Variants in LAMC1 observed in about 807,000 individuals in gnomAD.
LAMC1 encodes the protein laminin subunit gamma 1.
LAMC1 carries 38 observed loss-of-function variants against 173.6 expected under a neutral mutation model. That is an observed-to-expected ratio of 0.22 (90% CI 0.17 to 0.29). The LOEUF is 0.29. Ranked by LOEUF, LAMC1 falls within the 10% of genes least tolerant of loss-of-function variation. The pLI, the probability that LAMC1 is intolerant of heterozygous loss-of-function variation, is 1.00. For synonymous variants in LAMC1, 746 were observed against 749.1 expected (o/e 1.00, Z 0.07); for missense variants, 1,824 against 2,051.8 (o/e 0.89, Z 2.14).
At chr1:183,125,186 A>T (rs918875243) in intron 14 of LAMC1, 75 of 600,292 alleles carry the variant, frequency 1.2e-4, no homozygotes, top group Non-Finnish European at 1.8e-4. Context: ...GTTTTTTCTC[A>T]CGCTAAGCCT....
chr1:183,124,790 A>G lies in LAMC1; in HGVS notation c.2561A>G (p.Tyr854Cys), dbSNP rs113585925. 2.4e-5 allele frequency: 39 copies of G among 1,614,096 alleles called. No homozygotes were observed. Among genetic ancestry groups the G allele is most frequent in the East Asian group, 1.6e-4 (7 of 44,898 alleles). Reference sequence around the variant, plus strand: ...ACGGGAGAATGCCTGAAGTGCATCTATAACACTGCTGGCTTCTATTGTGAC... The same window carrying G: ...ACGGGAGAATGCCTGAAGTGCATCTGTAACACTGCTGGCTTCTATTGTGAC... Reference protein sequence around the residue: ...RLTGECLKCIYNTAGFYCDRC... With the variant: ...RLTGECLKCICNTAGFYCDRC... Residue 854 changes from tyrosine (Y) to cysteine (C), a missense_variant, in exon 14 of 28, where the codon TAT becomes TGT. Coordinates refer to ENST00000258341, the MANE Select transcript of LAMC1 (RefSeq NM_002293.4).
At position 183,145,588 on chromosome 1, in the gene LAMC1, C is replaced by T. The variant is rs918547519; in HGVS notation, c.*2798C>T. On this transcript the variant is annotated 3_prime_UTR_variant, in exon 28 of 28. Coordinates refer to ENST00000258341, the MANE Select transcript of LAMC1 (RefSeq NM_002293.4). ...TAATAAAATCTGAATATTTGTAACC[C>T]TTTATATTTGGTGTGGCCTGAGTGT... 9 of 152,288 alleles carry T rather than the reference C, an allele frequency of 5.9e-5. No individual in the cohort carries two copies. The highest frequency in any genetic ancestry group is 5.3e-4 in the Admixed American group (8 of 15,234). The allele number at this position is 152,288 out of a possible 1,614,324, so 9.4% of individuals were successfully genotyped here.
chr1:183,108,214 C>A, intron 2 of LAMC1, 62 bp from the exon 3 acceptor site: 1 of 1,505,488 alleles, frequency 6.6e-7, no homozygotes, highest in Non-Finnish European at 9.2e-7. Flanking sequence ...CATTTTGTCA[C>A]ATTTATATCA....
At chr1:183,088,208 A>C (rs1655481253) in intron 1 of LAMC1, among the ~76,000 whole-genome samples, 1 of 152,260 alleles carries the variant, frequency 6.6e-6, no homozygotes, top group African/African-American at 2.4e-5. Context: ...GAAAGGCATC[A>C]TCATAAGCTC....
Position 183,024,067 on chromosome 1 carries a change from G to C in LAMC1, c.351G>C (p.Trp117Cys). The change falls in exon 1 of 28, where the codon TGG becomes TGC. Residue 117 changes from tryptophan to cysteine, a missense_variant. Physicochemically the swap from Trp to Cys is radical, Grantham distance 215. Coordinates refer to ENST00000258341, the MANE Select transcript of LAMC1 (RefSeq NM_002293.4). ...ACAACAACCAGGCCGACACCACCTG[G>C]TGGCAAAGCCAGACCATGCTGGCCG... ...TDYNNQADTTWWQSQTMLAGV... is the reference protein window; with the variant it reads ...TDYNNQADTTCWQSQTMLAGV... 1 of 1,611,882 alleles carries C rather than the reference G, an allele frequency of 6.2e-7. No homozygotes were observed. The highest frequency in any genetic ancestry group is 8.5e-7 in the Non-Finnish European group (1 of 1,179,334).
At chr1:183,091,647 A>G (rs564713291) in intron 1 of LAMC1, among the ~76,000 whole-genome samples, 2 of 152,344 alleles carry the variant, frequency 1.3e-5, no homozygotes, top group South Asian at 4.1e-4. Flanking sequence ...AACAGAATGT[A>G]ACACCCTCCC....
Position 183,145,056 on chromosome 1 carries a change from A to G in LAMC1, c.*2266A>G, listed in dbSNP as rs770504658. On this transcript the variant is annotated 3_prime_UTR_variant, in exon 28 of 28. Transcript: ENST00000258341. ...TCATTAAGTGGCTACATCCTAACATATGCATTTGGTCAAGGTTGCAGAAGA... is the reference window on the plus strand; with the variant it reads ...TCATTAAGTGGCTACATCCTAACATGTGCATTTGGTCAAGGTTGCAGAAGA... The G allele has an allele frequency of 1.3e-5, 2 of 152,116 alleles. No individual in the cohort carries two copies. Among genetic ancestry groups the G allele is most frequent in the Non-Finnish European group, 2.9e-5 (2 of 68,032 alleles). The allele number at this position is 152,116 out of a possible 1,614,324, so 9.4% of individuals were successfully genotyped here.
Position 183,132,412 on chromosome 1 carries a change from A to T in LAMC1, c.3579A>T (p.Glu1193Asp). 1.2e-6 allele frequency: 2 copies of T among 1,613,804 alleles called. No homozygotes were observed. The highest frequency in any genetic ancestry group is 1.7e-6 in the Non-Finnish European group (2 of 1,179,768). Residue 1193 changes from glutamate to aspartate, a missense_variant, in exon 21 of 28, where the codon GAA (glutamate) becomes GAT (aspartate). Coordinates refer to ENST00000258341, the MANE Select transcript of LAMC1 (RefSeq NM_002293.4). ...TTTATCTGTATAGTCATAAACAGGA[A>T]GCTGATGACATTGTTCGAGTGGCAA... ...ARKLAERHKQ[E>D]ADDIVRVAKT...
At chr1:183,136,296 C>T (rs1229621189) in intron 24 of LAMC1, 90 bp from the exon 25 acceptor site, 1 of 1,148,388 alleles carries the variant, frequency 8.7e-7, no homozygotes, top group Non-Finnish European at 1.3e-6. Flanking sequence ...TTCCATTGTT[C>T]ATAAAACAAA....
At chr1:183,127,079 A>G (rs936756505) in intron 16 of LAMC1, 147 bp from the exon 17 acceptor site, 13 of 658,428 alleles carry the variant, frequency 2.0e-5, no homozygotes, top group Admixed American at 1.5e-4. Flanking sequence ...AGACTTAGCC[A>G]TTTAAGATCT....
chr1:183,046,168 T>C (rs867460192), intron 1 of LAMC1, among the ~76,000 whole-genome samples: 1 of 152,114 alleles, frequency 6.6e-6, no homozygotes, highest in Non-Finnish European at 1.5e-5. Context: ...AAGTCTTTCC[T>C]TATATTTTCT....
chr1:183,122,582 G>A (rs140673339), intron 13 of LAMC1, among the ~76,000 whole-genome samples: 1 of 152,190 alleles, frequency 6.6e-6, no homozygotes, highest in Non-Finnish European at 1.5e-5. Flanking sequence ...CCTCTCCTGA[G>A]CTACCTACTT....
chr1:183,076,646 A>G (rs959857062), intron 1 of LAMC1, among the ~76,000 whole-genome samples: 2 of 152,218 alleles, frequency 1.3e-5, no homozygotes, highest in African/African-American at 2.4e-5. Flanking sequence ...AGGAAGAGAC[A>G]GTGTACCCAG....
At chr1:183,112,816 A>G (rs1419223287) in intron 4 of LAMC1, among the ~76,000 whole-genome samples, 1 of 152,200 alleles carries the variant, frequency 6.6e-6, no homozygotes, top group Non-Finnish European at 1.5e-5. Flanking sequence ...TTTGGTGGCA[A>G]TAACTCAAGT....
chr1:183,067,173 T>G (rs551091881), intron 1 of LAMC1, among the ~76,000 whole-genome samples: 1 of 152,294 alleles, frequency 6.6e-6, no homozygotes, highest in Admixed American at 6.5e-5. Context: ...TTTAAAGTAG[T>G]CATATTCTTA....
At chr1:183,114,417 C>G in intron 4 of LAMC1, 114 bp from the exon 5 acceptor site, 2 of 1,043,924 alleles carry the variant, frequency 1.9e-6, no homozygotes, top group South Asian at 2.6e-5. Context: ...CATTCTTAGT[C>G]TACCACCATC....
At chr1:183,067,749 C>T (rs10911218) in intron 1 of LAMC1, among the ~76,000 whole-genome samples, 51,421 of 151,938 alleles carry the variant, frequency 0.34, 9,762 homozygotes, top group East Asian at 0.49. Flanking sequence ...CTTGGCCTCC[C>T]AAAGTACTGG....
chr1:183,113,582 G>T (rs987754097), intron 4 of LAMC1, among the ~76,000 whole-genome samples: 39 of 152,134 alleles, frequency 2.6e-4, no homozygotes, highest in Admixed American at 2.0e-4. Context: ...GTTGTGCCCT[G>T]CAGGGAATAT....
intron 16 of LAMC1, 120 bp downstream of exon 16, chr1:183,126,382 T>C: frequency 1.1e-6 from 1 of 920,826 alleles, no homozygotes; most frequent in South Asian, 1.8e-5. Flanking sequence ...GGGCTGTACC[T>C]AAGTCATCGT....
Sources: allele counts gnomAD v4.1 joint callset (sites outside exome capture counted in the v4.1 genomes callset), GRCh38; gene constraint gnomAD v4.1.1; transcripts MANE v1.5; gene names NCBI Gene and HGNC (gene_info 2026-07-23, HGNC 2026-07-21).